BBC3: variants seen among roughly 807,000 people sequenced by gnomAD.
BBC3 encodes the protein BCL2 binding component 3.
BBC3 carries 5 observed loss-of-function variants against 18.2 expected under a neutral mutation model. The ratio of observed to expected loss-of-function variants is 0.27; its 90% CI spans 0.14 to 0.58. The LOEUF (loss-of-function observed/expected upper bound fraction) is 0.58. Among genes scored for constraint, BBC3 ranks in the 20% least tolerant of loss-of-function variants. The probability of loss-of-function intolerance (pLI) is 0.91; values close to 1 mark genes in which losing one functional copy is unlikely to be tolerated. For missense variants in BBC3, 224 were observed against 268.9 expected (o/e 0.83, Z 1.17); for synonymous variants, 119 against 128.0 (o/e 0.93, Z 0.47).
At position 47,227,349 on chromosome 19, in the gene BBC3, C is replaced by T. The variant is rs117935990; in HGVS notation, c.275-595G>A. On this transcript the variant is annotated intron_variant, in intron 2 of 3. Coordinates refer to ENST00000439096, the MANE Select transcript of BBC3 (RefSeq NM_014417.5). ...CCCCACTTCTGAGCGCCCTAGGAGG[C>T]TCCTGCCCTCCCGTCCCACCAGGTC... 4.7e-3 allele frequency among the ~76,000 whole-genome samples: 697 copies of T among 147,838 alleles called. 17 individuals carry two copies. Among genetic ancestry groups the T allele is most frequent in the East Asian group, 0.028 (134 of 4,782 alleles).
chr19:47,223,128 G>A (rs1412384729), intron 3 of BBC3, among the ~76,000 whole-genome samples: 11 of 151,724 alleles, frequency 7.3e-5, no homozygotes, highest in Admixed American at 1.3e-4. Flanking sequence ...AAAATTAGCC[G>A]GGTGTGGTGG....
intron 1 of BBC3, among the ~76,000 whole-genome samples, chr19:47,229,957 CAG>C (rs780153709): frequency 1.3e-5 from 2 of 152,064 alleles, no homozygotes; most frequent in Non-Finnish European, 2.9e-5. Context: ...TCAGCCAAGA[CAG>C]AAACACACAG....
chr19:47,229,049 T>C (rs1228443781), intron 1 of BBC3, among the ~76,000 whole-genome samples: 3 of 151,400 alleles, frequency 2.0e-5, no homozygotes, highest in African/African-American at 4.9e-5. Context: ...TCACAAGCAC[T>C]CTACATACTG....
At position 47,230,686 on chromosome 19, in the gene BBC3, ATTG is replaced by A. The variant is rs1434069066; in HGVS notation, c.-16+240_-16+242del. On this transcript the variant is annotated intron_variant, in intron 1 of 3. Coordinates refer to ENST00000439096, the MANE Select transcript of BBC3 (RefSeq NM_014417.5). The surrounding 1 kb of genome is among the most constrained non-coding windows in gnomAD (Gnocchi z 6.7). ...GGGGGCGCTGCCGAGCCCGCACCCC[ATTG>A]TTTGTAAACAAACCCGCCAGACCGC... 18 of 975,584 alleles carry A rather than the reference ATTG, an allele frequency of 1.8e-5. No homozygotes were observed. Among genetic ancestry groups the A allele is most frequent in the Non-Finnish European group, 2.2e-5 (18 of 821,368 alleles). The allele number at this position is 975,584 out of a possible 1,614,324, so 60.4% of individuals were successfully genotyped here.
rs535471228 is a variant in BBC3 at position 47,230,570 on chromosome 19, C to G, written c.-16+359G>C. 2.0e-5 allele frequency among the ~76,000 whole-genome samples: 3 copies of G among 151,440 alleles called. No homozygotes were observed. In the East Asian group the frequency reaches 5.8e-4, roughly 29 times the overall value. ...GGGCGCGCGCCCTGGGTGTGGCCGC[C>G]CCTCCGTGCCGCCCCCCCGCCCCTC... On this transcript the variant is annotated intron_variant, in intron 1 of 3. Transcript: ENST00000439096. This position sits in a 1 kb window ranked among gnomAD's most constrained non-coding sequence, Gnocchi z 6.7.
chr19:47,228,289 G>C lies in BBC3; in HGVS notation c.143C>G (p.Pro48Arg). The change falls in exon 2 of 4, where the codon CCC (proline) becomes CGC (arginine). Residue 48 changes from proline to arginine, a missense_variant. Coordinates refer to ENST00000439096, the MANE Select transcript of BBC3 (RefSeq NM_014417.5). This position sits in a 1 kb window ranked among gnomAD's most constrained non-coding sequence, Gnocchi z 5.5. The stretch of plus-strand genomic sequence containing the variant: ...AGCGGGCAGCAGGGTGGGGGCGGCG[G>C]GGGCGGCAGCCAGGCCGGGCTCGCA... The part of the protein sequence containing the change: ...GLCEPGLAAA[P>R]AAPTLLPAAY... The C allele has an allele frequency of 1.6e-6, 2 of 1,219,352 alleles. No individual in the cohort carries two copies. Among genetic ancestry groups the C allele is most frequent in the Non-Finnish European group, 2.0e-6 (2 of 980,156 alleles). The allele number at this position is 1,219,352 out of a possible 1,614,324, so 75.5% of individuals were successfully genotyped here.
Position 47,221,617 on chromosome 19 carries a change from C to A in BBC3, c.*185G>T, listed in dbSNP as rs544099328. The A allele has an allele frequency of 7.9e-7, 1 of 1,270,986 alleles. No homozygotes were observed. The highest frequency in any genetic ancestry group is 1.1e-6 in the Non-Finnish European group (1 of 933,492). The allele number at this position is 1,270,986 out of a possible 1,614,324, so 78.7% of individuals were successfully genotyped here. ...CCAGGGACCCAGGAGTCCGCATCTC[C>A]GTCAGTGCACCCCAGGCTGGGCTGG... is the stretch of plus-strand genomic sequence containing the variant. On this transcript the variant is annotated 3_prime_UTR_variant, in exon 4 of 4. Transcript: ENST00000439096.
intron 3 of BBC3, among the ~76,000 whole-genome samples, chr19:47,224,780 G>C (rs933342223): frequency 1.3e-5 from 2 of 149,938 alleles, no homozygotes; most frequent in African/African-American, 4.9e-5. Flanking sequence ...CTCCAGGCTG[G>C]AGTGCAGTGG....
rs761068549 is a variant in BBC3 at position 47,226,686 on chromosome 19, G to A, written c.343C>T (p.Leu115=). ...GCCGCCTGGGTGGGACCGCCCGCCA[G>A]AGCCCCCGGGGCGCTGGGCACGGGC... ...ESPVPSAPGA[L]AGGPTQAAPG... The change falls in exon 3 of 4, where the codon CTG becomes TTG. Residue 115 remains leucine, a synonymous_variant. Coordinates refer to ENST00000439096, the MANE Select transcript of BBC3 (RefSeq NM_014417.5). 10 of 1,496,722 alleles carry A rather than the reference G, an allele frequency of 6.7e-6. No homozygotes were observed. In the South Asian group the frequency reaches 1.1e-4, roughly 17 times the overall value. 92.7% of individuals were successfully genotyped at this position (1,496,722 alleles called of 1,614,324 possible).
Position 47,226,688 on chromosome 19 carries a change from G to GC in BBC3, c.340dup (p.Ala114GlyfsTer115). ...CGCCTGGGTGGGACCGCCCGCCAGA[G>GC]CCCCCGGGGCGCTGGGCACGGGCGA... On this transcript the variant is annotated frameshift_variant, in exon 3 of 4. Transcript: ENST00000439096. LOFTEE classifies it high-confidence loss of function. 6.7e-7 allele frequency: 1 copy of GC among 1,489,784 alleles called. No individual in the cohort carries two copies. The highest frequency in any genetic ancestry group is 1.3e-5 in the South Asian group (1 of 77,658). 92.3% of individuals were successfully genotyped at this position (1,489,784 alleles called of 1,614,324 possible). A position where few individuals can be genotyped will look rare whatever the true frequency, so the allele number is the denominator to read the frequency against.
chr19:47,232,138 G>A (rs2058920867), upstream of BBC3, among the ~76,000 whole-genome samples: 1 of 152,136 alleles, frequency 6.6e-6, no homozygotes, highest in Admixed American at 6.6e-5. Context: ...GACTGCCTGA[G>A]GTCAGGAATT....
chr19:47,222,374 A>G (rs545599249), intron 3 of BBC3: 1 of 153,868 alleles, frequency 6.5e-6, no homozygotes, highest in Non-Finnish European at 1.4e-5. Context: ...GCTTCAACAG[A>G]AGCACCTCTA....
Position 47,221,461 on chromosome 19 carries a change from C to A in BBC3, c.*341G>T. The A allele has an allele frequency of 4.8e-6, 1 of 208,992 alleles. No individual in the cohort carries two copies. The highest frequency in any genetic ancestry group is 8.3e-6 in the Non-Finnish European group (1 of 120,970). 12.9% of individuals were successfully genotyped at this position (208,992 alleles called of 1,614,324 possible). On this transcript the variant is annotated 3_prime_UTR_variant, in exon 4 of 4. Coordinates refer to ENST00000439096, the MANE Select transcript of BBC3 (RefSeq NM_014417.5). Reference sequence around the variant, plus strand: ...CCCAGTGTCACCCCTGCAGCTGGAACGGGCACCAGCACAACAGCCTTTCCT... The same window carrying A: ...CCCAGTGTCACCCCTGCAGCTGGAAAGGGCACCAGCACAACAGCCTTTCCT...
chr19:47,221,610 G>A lies in BBC3; in HGVS notation c.*192C>T, dbSNP rs2058752097. On this transcript the variant is annotated 3_prime_UTR_variant, in exon 4 of 4. Transcript: ENST00000439096. ...TTCTTGGCCAGGGACCCAGGAGTCC[G>A]CATCTCCGTCAGTGCACCCCAGGCT... is the stretch of plus-strand genomic sequence containing the variant. 3.4e-6 allele frequency: 4 copies of A among 1,187,766 alleles called. No homozygotes were observed. The highest frequency in any genetic ancestry group is 2.9e-5 in the South Asian group (2 of 69,352). 73.6% of individuals were successfully genotyped at this position (1,187,766 alleles called of 1,614,324 possible).
intron 3 of BBC3, among the ~76,000 whole-genome samples, chr19:47,224,812 C>T (rs572352767): frequency 1.3e-5 from 2 of 150,454 alleles, no homozygotes; most frequent in Admixed American, 1.3e-4. Flanking sequence ...GATCTCGGCT[C>T]ACTGCAACCT....
In BBC3 at chr19:47,221,556, C is replaced by T; in HGVS notation, c.*246G>A. On this transcript the variant is annotated 3_prime_UTR_variant, in exon 4 of 4. Transcript: ENST00000439096. ...CCTCGGTCACCGCCACCTTCCGATG[C>T]TGAGTCCATCAGCCGTCCCTCTCCT... 2 of 736,352 alleles carry T rather than the reference C, an allele frequency of 2.7e-6. No homozygotes were observed. Among genetic ancestry groups the T allele is most frequent in the Non-Finnish European group, 4.2e-6 (2 of 473,552 alleles). The allele number at this position is 736,352 out of a possible 1,614,324, so 45.6% of individuals were successfully genotyped here.
At position 47,228,575 on chromosome 19, in the gene BBC3, C is replaced by A; in HGVS notation, c.-15-129G>T. The A allele has an allele frequency of 1.1e-6, 1 of 946,852 alleles. No individual in the cohort carries two copies. Among genetic ancestry groups the A allele is most frequent in the East Asian group, 3.3e-5 (1 of 29,884 alleles). The allele number at this position is 946,852 out of a possible 1,614,324, so 58.7% of individuals were successfully genotyped here. On this transcript the variant is annotated intron_variant, in intron 1 of 3. Transcript: ENST00000439096. The surrounding 1 kb of genome is among the most constrained non-coding windows in gnomAD (Gnocchi z 5.5). Reference sequence around the variant, plus strand: ...TGTGTGCATGCGGAGGGGGTGACGGCCCCACAGAGACACGCCCAGCCGGGG... The same window carrying A: ...TGTGTGCATGCGGAGGGGGTGACGGACCCACAGAGACACGCCCAGCCGGGG...
At chr19:47,232,456 C>A, upstream of BBC3, 1 of 1,460,014 alleles carries the variant, frequency 6.8e-7, no homozygotes, top group African/African-American at 1.4e-5. Context: ...CCTGTGACAG[C>A]TTCTTGCTAA....
intron 1 of BBC3, among the ~76,000 whole-genome samples, chr19:47,229,538 C>G (rs543986860): frequency 1.3e-5 from 2 of 151,728 alleles, no homozygotes; most frequent in East Asian, 3.9e-4. Context: ...ACACACCTAG[C>G]GCACCCACAG....
Sources: gnomAD v4.1 joint callset for allele counts (sites outside exome capture counted in the v4.1 genomes callset) on GRCh38, gnomAD v4.1.1 for gene constraint, Gnocchi (gnomAD v3.1) non-coding constraint, MANE v1.5 for transcripts, NCBI Gene and HGNC (gene_info 2026-07-23, HGNC 2026-07-21) for gene names.